Variants in LRIT3 observed in about 807,000 individuals in gnomAD.
The protein encoded by LRIT3 is leucine-rich repeat, immunoglobulin-like domain and transmembrane domain-containing protein 3.
LRIT3 carries 14 observed loss-of-function variants against 22.6 expected under a neutral mutation model. The ratio of observed to expected loss-of-function variants is 0.62; its 90% CI spans 0.41 to 0.97. LRIT3 has a LOEUF of 0.97. Ranked by LOEUF, LRIT3 falls within the 50% of genes least tolerant of loss-of-function variation. The probability of loss-of-function intolerance (pLI) is 0.00; values close to 1 mark genes in which losing one functional copy is unlikely to be tolerated. For missense variants in LRIT3, 783 were observed against 803.0 expected (o/e 0.98, Z 0.30); for synonymous variants, 306 against 304.5 (o/e 1.01, Z -0.05).
Position 109,867,893 on chromosome 4 carries a change from C to G in LRIT3, c.842C>G (p.Pro281Arg), listed in dbSNP as rs756252367. The G allele has an allele frequency of 6.2e-7, 1 of 1,613,812 alleles. No individual in the cohort carries two copies. The highest frequency in any genetic ancestry group is 8.5e-7 in the Non-Finnish European group (1 of 1,179,996). ...VLLRCDATGF[P>R]TPQITWTRSD... ...CTGCGGTGTGATGCCACTGGCTTCC[C>G]CACCCCACAGATCACATGGACCAGA... The change falls in exon 3 of 4, where the codon CCC becomes CGC. Residue 281 changes from proline to arginine, a missense_variant. Pro to Arg is a moderately radical substitution (Grantham distance 103). Coordinates refer to ENST00000594814, the MANE Select transcript of LRIT3 (RefSeq NM_198506.5).
intron 2 of LRIT3, chr4:109,865,132 T>C (rs1734644427): frequency 1.1e-5 from 16 of 1,463,850 alleles, no homozygotes; most frequent in Admixed American, 2.6e-5. Context: ...GATAGAACGT[T>C]ACGGCTGTAA....
intron 2 of LRIT3, 69 bp downstream of exon 2, chr4:109,852,045 C>A: frequency 7.2e-7 from 1 of 1,388,420 alleles, no homozygotes; most frequent in South Asian, 1.5e-5. Context: ...TTTGTCCAGT[C>A]TTTTAAAATT....
At chr4:109,852,008 A>G (rs1316837938) in intron 2 of LRIT3, 32 bp downstream of exon 2, 8 of 1,485,120 alleles carry the variant, frequency 5.4e-6, no homozygotes, top group South Asian at 4.2e-5. Context: ...CTTTTCATCT[A>G]TAGTTACTTT....
intron 1 of LRIT3, among the ~76,000 whole-genome samples, chr4:109,849,968 A>C (rs1470278974): frequency 2.6e-5 from 4 of 152,230 alleles, no homozygotes; most frequent in Non-Finnish European, 5.9e-5. Context: ...TAGTACTGAA[A>C]TCTGTGATAT....
At chr4:109,859,078 A>G (rs1382592608) in intron 2 of LRIT3, among the ~76,000 whole-genome samples, 3 of 152,204 alleles carry the variant, frequency 2.0e-5, no homozygotes, top group Non-Finnish European at 4.4e-5. Flanking sequence ...ATATTGCGGG[A>G]TCTGGCCAGC....
chr4:109,848,414 G>A, intron 1 of LRIT3, 97 bp downstream of exon 1: 3 of 563,122 alleles, frequency 5.3e-6, no homozygotes, highest in Non-Finnish European at 5.3e-6. Flanking sequence ...TTGGGGATCA[G>A]AAATCACAGA....
Position 109,848,179 on chromosome 4 carries a change from TTAAA to T in LRIT3, c.-19_-16del. 8.3e-7 allele frequency: 1 copy of T among 1,202,030 alleles called. No individual in the cohort carries two copies. The highest frequency in any genetic ancestry group is 1.0e-6 in the Non-Finnish European group (1 of 960,518). 74.5% of individuals were successfully genotyped at this position (1,202,030 alleles called of 1,614,324 possible). A position where few individuals can be genotyped will look rare whatever the true frequency, so the allele number is the denominator to read the frequency against. On this transcript the variant is annotated 5_prime_UTR_variant, in exon 1 of 4. An upstream open reading frame in the 5' UTR loses its in-frame stop. Coordinates refer to ENST00000594814, the MANE Select transcript of LRIT3 (RefSeq NM_198506.5). ...TTAGGATTCGGTTTTTACCTTTTGT[TTAAA>T]TAACCTCTAAAAGGAGCAATGCATC...
chr4:109,857,968 T>C (rs937442761), intron 2 of LRIT3, among the ~76,000 whole-genome samples: 3 of 152,092 alleles, frequency 2.0e-5, no homozygotes, highest in African/African-American at 7.2e-5. Context: ...AGGGACAGAG[T>C]GACCAGATGG....
At chr4:109,858,143 C>A (rs1734448304) in intron 2 of LRIT3, among the ~76,000 whole-genome samples, 1 of 152,190 alleles carries the variant, frequency 6.6e-6, no homozygotes, top group African/African-American at 2.4e-5. Context: ...CAAATACTAT[C>A]ATTAACATAG....
chr4:109,865,194 A>G (rs562501679), intron 2 of LRIT3: 10 of 1,479,766 alleles, frequency 6.8e-6, no homozygotes, highest in Non-Finnish European at 8.3e-6. Flanking sequence ...ATGAGAAAAC[A>G]GGCTCAGCAA....
At position 109,869,884 on chromosome 4, in the gene LRIT3, G is replaced by A. The variant is rs376430373; in HGVS notation, c.1135G>A (p.Val379Ile). 1.9e-6 allele frequency: 3 copies of A among 1,614,186 alleles called. No individual in the cohort carries two copies. ...GCCGGGATCTGGAAGATCTACATCTGTATCTAGCGCATCATCATATCTTTG... is the reference window on the plus strand; with the variant it reads ...GCCGGGATCTGGAAGATCTACATCTATATCTAGCGCATCATCATATCTTTG... Reference protein sequence around the residue: ...VQPGSGRSTSVSSASSYLWSS... With the variant: ...VQPGSGRSTSISSASSYLWSS... Residue 379 changes from valine (V) to isoleucine (I), a missense_variant, in exon 4 of 4, where the codon GTA (valine) becomes ATA (isoleucine). Transcript: ENST00000594814.
Position 109,867,985 on chromosome 4 carries a change from C to T in LRIT3, c.895+39C>T, listed in dbSNP as rs17040933. Reference sequence around the variant, plus strand: ...TCAGCCCCATGATCAAAGGAGTTTACTAAGCTTTGAAGTTAACATCATGTG... The same window carrying T: ...TCAGCCCCATGATCAAAGGAGTTTATTAAGCTTTGAAGTTAACATCATGTG... On this transcript the variant is annotated intron_variant, in intron 3 of 3. Coordinates refer to ENST00000594814, the MANE Select transcript of LRIT3 (RefSeq NM_198506.5). 6.5e-3 allele frequency: 10,109 copies of T among 1,563,488 alleles called. 423 individuals are homozygous for T. In the African/African-American group the frequency reaches 0.1, roughly 16 times the overall value.
At chr4:109,859,621 T>G (rs1734486452) in intron 2 of LRIT3, among the ~76,000 whole-genome samples, 1 of 152,196 alleles carries the variant, frequency 6.6e-6, no homozygotes, top group Non-Finnish European at 1.5e-5. Flanking sequence ...TGAGGGTGTT[T>G]ATAGCCCTAT....
intron 2 of LRIT3, among the ~76,000 whole-genome samples, chr4:109,852,289 A>G (rs1413410023): frequency 1.3e-5 from 2 of 152,202 alleles, no homozygotes; most frequent in African/African-American, 4.8e-5. Context: ...CCAACTGCAT[A>G]GACTCTTGTG....
Position 109,868,376 on chromosome 4 carries a change from G to A in LRIT3, c.895+430G>A, listed in dbSNP as rs549467226. On this transcript the variant is annotated intron_variant, in intron 3 of 3. Coordinates refer to ENST00000594814, the MANE Select transcript of LRIT3 (RefSeq NM_198506.5). ...ACCTGAGGTCAGGAGTTTGAGACCA[G>A]CCTGGCCAACATGGCAAAACTCCGT... Among the ~76,000 whole-genome samples, 29 of 152,228 alleles carry A rather than the reference G, an allele frequency of 1.9e-4. No homozygotes were observed. In the South Asian group the frequency reaches 2.3e-3, roughly 12 times the overall value.
chr4:109,870,898 A>C lies in LRIT3; in HGVS notation c.*109A>C. On this transcript the variant is annotated 3_prime_UTR_variant, in exon 4 of 4. Transcript: ENST00000594814. ...GACTTTCACATTGTACATGAAAATC[A>C]CAAATGGAATGCTTTTAAGTATGTT... 1 of 1,120,220 alleles carries C rather than the reference A, an allele frequency of 8.9e-7. No individual in the cohort carries two copies. Among genetic ancestry groups the C allele is most frequent in the Non-Finnish European group, 1.2e-6 (1 of 811,096 alleles). The allele number at this position is 1,120,220 out of a possible 1,614,324, so 69.4% of individuals were successfully genotyped here.
Position 109,869,621 on chromosome 4 carries a change from G to A in LRIT3, c.896-24G>A, listed in dbSNP as rs1459768386. ...TTGAATTTTCTTTTTGTTCCTCACA[G>A]ACTATACATTTGTTTTCTTCCAGTA... On this transcript the variant is annotated intron_variant, in intron 3 of 3. Coordinates refer to ENST00000594814, the MANE Select transcript of LRIT3 (RefSeq NM_198506.5). 6 of 1,523,504 alleles carry A rather than the reference G, an allele frequency of 3.9e-6. No individual in the cohort carries two copies. In the South Asian group the frequency reaches 8.1e-5, roughly 21 times the overall value. The allele number at this position is 1,523,504 out of a possible 1,614,324, so 94.4% of individuals were successfully genotyped here.
intron 1 of LRIT3, among the ~76,000 whole-genome samples, chr4:109,850,393 TCCTTCCTTCCTTCCTTCCTTC>T (rs1734189198): frequency 1.4e-3 from 1 of 692 alleles, no homozygotes; most frequent in Admixed American, 0.023. Flanking sequence ...CTTCCTTCCT[TCCTTCCTTCCTTCCTTCCTTC>T]CTTCCTTCCT....
intron 1 of LRIT3, among the ~76,000 whole-genome samples, chr4:109,851,136 G>A (rs1210666239): frequency 6.6e-6 from 1 of 152,190 alleles, no homozygotes; most frequent in African/African-American, 2.4e-5. Flanking sequence ...ATGTTGGTGG[G>A]CCTCAGTTAC....
Sources: allele counts gnomAD v4.1 joint callset (sites outside exome capture counted in the v4.1 genomes callset), GRCh38; gene constraint gnomAD v4.1.1; transcripts MANE v1.5; gene names NCBI Gene and HGNC (gene_info 2026-07-23, HGNC 2026-07-21).